Variants in WDR7 observed in about 807,000 individuals in gnomAD.
WDR7 encodes WD repeat-containing protein 7.
In WDR7, 46 loss-of-function variants were observed where a neutral mutation model predicts 169.4. The ratio of observed to expected loss-of-function variants is 0.27; its 90% CI spans 0.21 to 0.35. WDR7 has a LOEUF of 0.35. Among genes scored for constraint, WDR7 ranks in the 10% least tolerant of loss-of-function variants. The pLI is 1.00. For missense variants in WDR7, 1,534 were observed against 1,859.3 expected, an observed-to-expected ratio of 0.83 and a Z score of 3.22; for synonymous variants, 612 against 666.8, an observed-to-expected ratio of 0.92 and a Z score of 1.27.
chr18:56,809,574 A>G (rs2044833927), intron 19 of WDR7, among the ~76,000 whole-genome samples: 1 of 152,082 alleles, frequency 6.6e-6, no homozygotes, highest in Non-Finnish European at 1.5e-5. Flanking sequence ...ATTTCCATAA[A>G]TATATTTTCC....
chr18:56,948,376 A>T (rs1367608870), intron 25 of WDR7, among the ~76,000 whole-genome samples: 2 of 152,014 alleles, frequency 1.3e-5, no homozygotes, highest in Non-Finnish European at 2.9e-5. Context: ...ATTTAATTTT[A>T]TGGTTTTCAA....
intron 25 of WDR7, among the ~76,000 whole-genome samples, chr18:56,956,365 T>C (rs2047250416): frequency 6.6e-6 from 1 of 152,116 alleles, no homozygotes; most frequent in Non-Finnish European, 1.5e-5. Context: ...AGTCTGAAAT[T>C]CTGGAGGGTG....
At chr18:57,016,682 G>A (rs530058064) in intron 26 of WDR7, among the ~76,000 whole-genome samples, 1 of 152,254 alleles carries the variant, frequency 6.6e-6, no homozygotes, top group South Asian at 2.1e-4. Context: ...TTTCTTTGCA[G>A]AGCACATTGA....
downstream of WDR7, chr18:57,031,304 A>G (rs934722361): frequency 8.5e-5 from 13 of 152,184 alleles, no homozygotes; most frequent in Non-Finnish European, 1.8e-4. Flanking sequence ...TTACTTATGA[A>G]GATATTCTAA....
chr18:56,929,474 A>T (rs1439661665), intron 22 of WDR7, among the ~76,000 whole-genome samples: 1 of 152,218 alleles, frequency 6.6e-6, no homozygotes, highest in Non-Finnish European at 1.5e-5. Context: ...TTAGAGATGA[A>T]AATCTTTTCA....
chr18:56,920,772 A>T (rs1054523195), intron 21 of WDR7, among the ~76,000 whole-genome samples: 2 of 152,204 alleles, frequency 1.3e-5, no homozygotes, highest in African/African-American at 4.8e-5. Context: ...ATTCAATACC[A>T]ACTGTTTAAG....
chr18:56,985,318 G>T (rs550004030), intron 26 of WDR7, among the ~76,000 whole-genome samples: 1 of 152,040 alleles, frequency 6.6e-6, no homozygotes, highest in Non-Finnish European at 1.5e-5. Flanking sequence ...AAAATAATAG[G>T]CTAAGGAAAA....
At chr18:56,921,509 T>C (rs978325594) in intron 21 of WDR7, among the ~76,000 whole-genome samples, 4 of 152,064 alleles carry the variant, frequency 2.6e-5, no homozygotes, top group Non-Finnish European at 4.4e-5. Flanking sequence ...TTGAGTGAAA[T>C]AGAACATGAT....
chr18:56,739,088 A>G (rs2043572989), intron 14 of WDR7, among the ~76,000 whole-genome samples: 2 of 151,690 alleles, frequency 1.3e-5, no homozygotes, highest in Admixed American at 1.3e-4. Context: ...GGCCACTGCT[A>G]ATCCCTGCTA....
chr18:57,003,866 T>C (rs1407446887), intron 26 of WDR7, among the ~76,000 whole-genome samples: 1 of 152,046 alleles, frequency 6.6e-6, no homozygotes, highest in East Asian at 1.9e-4. Context: ...GAGGGCTTTT[T>C]GTTTGTTTGT....
Position 56,949,631 on chromosome 18 carries a change from C to A in WDR7, c.4064+10238C>A, listed in dbSNP as rs1657388. Among the ~76,000 whole-genome samples the A allele has an allele frequency of 9.9e-3, 1,505 of 152,272 alleles. 27 individuals are homozygous for A. Among genetic ancestry groups the A allele is most frequent in the African/African-American group, 0.035 (1,445 of 41,532 alleles). ...ATTTTGTATCTTCTTGGGCACTACA[C>A]CAAAACTCAACATGTGATTGTTTTT... On this transcript the variant is annotated intron_variant, in intron 25 of 27. Transcript: ENST00000254442.
At chr18:56,710,653 A>G (rs932306257) in intron 12 of WDR7, among the ~76,000 whole-genome samples, 5 of 152,320 alleles carry the variant, frequency 3.3e-5, no homozygotes, top group Admixed American at 2.0e-4. Flanking sequence ...CAGAAATTTG[A>G]TATAATAGCT....
intron 12 of WDR7, among the ~76,000 whole-genome samples, chr18:56,698,968 C>G (rs988750674): frequency 1.3e-5 from 2 of 151,922 alleles, no homozygotes; most frequent in African/African-American, 2.4e-5. Context: ...TACAACAAAC[C>G]CCCATGACAC....
intron 19 of WDR7, among the ~76,000 whole-genome samples, chr18:56,813,464 T>TG (rs1332465695): frequency 2.0e-5 from 3 of 151,822 alleles, no homozygotes; most frequent in Non-Finnish European, 4.4e-5. Context: ...TAGAGGTTTT[T>TG]TTTTTCTTTT....
chr18:56,664,319 G>A (rs554549088), intron 1 of WDR7, among the ~76,000 whole-genome samples: 2 of 152,240 alleles, frequency 1.3e-5, no homozygotes, highest in South Asian at 4.1e-4. Context: ...CCAAGTTAAA[G>A]ACCACAGATT....
intron 25 of WDR7, among the ~76,000 whole-genome samples, chr18:56,960,123 T>C (rs1397014115): frequency 1.3e-5 from 2 of 152,192 alleles, no homozygotes; most frequent in African/African-American, 2.4e-5. Flanking sequence ...ATTAGTCCAG[T>C]AGTAAATTCC....
At chr18:56,878,991 G>A (rs911009517) in intron 20 of WDR7, among the ~76,000 whole-genome samples, 6 of 152,150 alleles carry the variant, frequency 3.9e-5, no homozygotes, top group African/African-American at 1.4e-4. Context: ...GGCAAATACT[G>A]CGATTACTTT....
chr18:56,750,346 G>A lies in WDR7; in HGVS notation c.1990-6237G>A, dbSNP rs554957395. 3.9e-5 allele frequency among the ~76,000 whole-genome samples: 6 copies of A among 152,276 alleles called. No individual in the cohort carries two copies. The East Asian group carries it at 9.6e-4, about 24-fold the overall frequency. On this transcript the variant is annotated intron_variant, in intron 14 of 27. Transcript: ENST00000254442. ...TCTATCTTACTACCCTTCTAAGTAA[G>A]TGTGTGTAGATGTGTGTATTTTGCA...
chr18:56,892,951 T>G (rs1319800044), intron 21 of WDR7, among the ~76,000 whole-genome samples: 2 of 152,076 alleles, frequency 1.3e-5, no homozygotes, highest in African/African-American at 2.4e-5. Flanking sequence ...CATACAATAT[T>G]TATAAGTAAA....
Sources: gnomAD v4.1 joint callset for allele counts (sites outside exome capture counted in the v4.1 genomes callset) on GRCh38, gnomAD v4.1.1 for gene constraint, MANE v1.5 for transcripts, NCBI Gene and HGNC (gene_info 2026-07-23, HGNC 2026-07-21) for gene names.